SZT2: variants seen among roughly 807,000 people sequenced by gnomAD.
SZT2 encodes SZT2 subunit of KICSTOR complex, also known as KICSTOR complex protein SZT2.
Under a neutral mutation model 404.2 loss-of-function variants are expected in SZT2, and 216 were observed. The ratio of observed to expected loss-of-function variants is 0.53; its 90% confidence interval spans 0.48 to 0.60. SZT2 has a LOEUF of 0.60. Among genes scored for constraint, SZT2 ranks in the 20% least tolerant of loss-of-function variants. The probability of loss-of-function intolerance (pLI) is 0.00; values close to 1 mark genes in which losing one functional copy is unlikely to be tolerated. For missense variants in SZT2, 3,857 were observed against 4,459.2 expected, an observed-to-expected ratio of 0.86 and a Z score of 3.85; for synonymous variants, 1,693 against 1,749.9, an observed-to-expected ratio of 0.97 and a Z score of 0.81.
In SZT2 at chr1:43,419,909, G is replaced by T; in HGVS notation, c.1055G>T (p.Arg352Leu). 6.3e-7 allele frequency: 1 copy of T among 1,598,336 alleles called. No individual in the cohort carries two copies. Among genetic ancestry groups the T allele is most frequent in the Non-Finnish European group, 8.5e-7 (1 of 1,179,740 alleles). The change falls in exon 8 of 72, where the codon CGC becomes CTC. Residue 352 changes from arginine to leucine, a missense_variant. Physicochemically the swap from Arg to Leu is moderately radical, Grantham distance 102 (BLOSUM62 -2). This residue lies in a region of SZT2 where 536 missense variants were observed against 637.4 expected (regional missense o/e 0.84). Coordinates refer to ENST00000634258, the MANE Select transcript of SZT2 (RefSeq NM_001365999.1). ...HRAFLLYSFL[R>L]SGEALNPEYY... ...GCATTTCTCCTCTATTCCTTCCTGC[G>T]CAGTGGGGAAGCACTGAACCCTGAA...
chr1:43,439,105 C>T lies in SZT2; in HGVS notation c.6792+12C>T, dbSNP rs200892663. ...GGAACCACTTCCAAGTGAGATGGCA[C>T]TCATCTCTCTCCACACTCATGTGCA... On this transcript the variant is annotated intron_variant, in intron 48 of 71. Transcript: ENST00000634258. The surrounding 1 kb of genome is among the most constrained non-coding windows in gnomAD (Gnocchi z 4.2). The T allele has an allele frequency of 8.4e-5, 135 of 1,614,070 alleles. No homozygotes were observed. The highest frequency in any genetic ancestry group is 1.1e-4 in the Non-Finnish European group (126 of 1,179,990).
Position 43,423,266 on chromosome 1 carries a change from C to A in SZT2, c.2205C>A (p.Asp735Glu). 6.4e-7 allele frequency: 1 copy of A among 1,574,006 alleles called. No individual in the cohort carries two copies. Among genetic ancestry groups the A allele is most frequent in the Non-Finnish European group, 8.6e-7 (1 of 1,167,674 alleles). ...PVLGPQQALS[D>E]RPCLVVLHKP... The stretch of plus-strand genomic sequence containing the variant: ...TGGGGCCACAGCAGGCCCTGTCTGA[C>A]CGGCCCTGCCTTGTGGTCCTGCATA... Residue 735 changes from aspartate to glutamate, a missense_variant, in exon 15 of 72, where the codon GAC becomes GAA. Physicochemically the swap from Asp to Glu is conservative, Grantham distance 45. Transcript: ENST00000634258.
At position 43,437,660 on chromosome 1, in the gene SZT2, T is replaced by A; in HGVS notation, c.6356T>A (p.Leu2119Gln). Residue 2119 changes from leucine to glutamine, a missense_variant, in exon 45 of 72, where the codon CTG becomes CAG. This residue lies in a region of SZT2 where 261 missense variants were observed against 372.9 expected (regional missense o/e 0.70). Transcript: ENST00000634258. This position sits in a 1 kb window ranked among gnomAD's most constrained non-coding sequence, Gnocchi z 5.3. ...GATGCGCTGCCCCCTTCCCTCGCTC[T>A]GTCCCGAAGCCAAGAGCCCATCTAC... ...KGDALPPSLA[L>Q]SRSQEPIYSE... 6.2e-7 allele frequency: 1 copy of A among 1,614,140 alleles called. No individual in the cohort carries two copies. The highest frequency in any genetic ancestry group is 8.5e-7 in the Non-Finnish European group (1 of 1,180,020).
At position 43,420,198 on chromosome 1, in the gene SZT2, G is replaced by T; in HGVS notation, c.1136G>T (p.Ser379Ile). Reference sequence around the variant, plus strand: ...AATGAGCACCTGGTCTCTGCAAGCAGCAACCCTGCCCTGGCCTTGCGCCGG... The same window carrying T: ...AATGAGCACCTGGTCTCTGCAAGCATCAACCCTGCCCTGGCCTTGCGCCGG... Reference protein sequence around the residue: ...LFNEHLVSASSNPALALRRKK... With the variant: ...LFNEHLVSASINPALALRRKK... Residue 379 changes from serine to isoleucine, a missense_variant, in exon 9 of 72, where the codon AGC (serine) becomes ATC (isoleucine). Around this residue, in one of 7 missense-constraint regions of SZT2, gnomAD observed 536 missense variants for 637.4 expected, o/e 0.84. Transcript: ENST00000634258. This position sits in a 1 kb window ranked among gnomAD's most constrained non-coding sequence, Gnocchi z 5.1. 4 of 1,598,456 alleles carry T rather than the reference G, an allele frequency of 2.5e-6. No homozygotes were observed. Among genetic ancestry groups the T allele is most frequent in the Non-Finnish European group, 3.4e-6 (4 of 1,179,812 alleles).
At chr1:43,390,483 G>A (rs1048885512) in intron 1 of SZT2, among the ~76,000 whole-genome samples, 9 of 152,150 alleles carry the variant, frequency 5.9e-5, no homozygotes, top group African/African-American at 2.2e-4. Flanking sequence ...CAATATTGGC[G>A]CTGTCATGTA....
chr1:43,404,534 G>T lies in SZT2; in HGVS notation c.482G>T (p.Gly161Val). 1 of 1,613,328 alleles carries T rather than the reference G, an allele frequency of 6.2e-7. No homozygotes were observed. The highest frequency in any genetic ancestry group is 8.5e-7 in the Non-Finnish European group (1 of 1,179,722). Residue 161 changes from glycine (G) to valine (V), a missense_variant, in exon 4 of 72, where the codon GGA (glycine) becomes GTA (valine). Gly to Val is a moderately radical substitution (Grantham distance 109). Coordinates refer to ENST00000634258, the MANE Select transcript of SZT2 (RefSeq NM_001365999.1). ...VTIQAYSSII[G>V]LQSHQVLVQG... Reference sequence around the variant, plus strand: ...ATCCAGGCCTACTCCTCCATCATTGGACTGCAGTCCCACCAGGTATTGCAT... The same window carrying T: ...ATCCAGGCCTACTCCTCCATCATTGTACTGCAGTCCCACCAGGTATTGCAT...
chr1:43,439,646 G>T lies in SZT2; in HGVS notation c.6919G>T (p.Ala2307Ser). 6.2e-7 allele frequency: 1 copy of T among 1,613,778 alleles called. No homozygotes were observed. Among genetic ancestry groups the T allele is most frequent in the East Asian group, 2.2e-5 (1 of 44,884 alleles). Residue 2307 changes from alanine to serine, a missense_variant, in exon 50 of 72, where the codon GCC becomes TCC. Ala to Ser is a moderately conservative substitution (Grantham distance 99). This residue lies in a region of SZT2 where 261 missense variants were observed against 372.9 expected (regional missense o/e 0.70). Coordinates refer to ENST00000634258, the MANE Select transcript of SZT2 (RefSeq NM_001365999.1). The surrounding 1 kb of genome is among the most constrained non-coding windows in gnomAD (Gnocchi z 4.2). ...ITLAFVDEGG[A>S]PLSLALWPPS... ...TCTAGCCTTTGTGGATGAAGGAGGG[G>T]CCCCCTTGTCACTGGCGTTGTGGCC...
rs1654796494 is a variant in SZT2, at chr1:43,439,217, C to A, written c.6792+124C>A. The A allele has an allele frequency of 6.5e-7, 1 of 1,528,478 alleles. No homozygotes were observed. Among genetic ancestry groups the A allele is most frequent in the Non-Finnish European group, 9.0e-7 (1 of 1,111,478 alleles). 94.7% of individuals were successfully genotyped at this position (1,528,478 alleles called of 1,614,324 possible). On this transcript the variant is annotated intron_variant, in intron 48 of 71. Transcript: ENST00000634258. This position sits in a 1 kb window ranked among gnomAD's most constrained non-coding sequence, Gnocchi z 4.2. Reference sequence around the variant, plus strand: ...CCATGGACCTGGGTACACCCATGCCCCCCCGGGGACCATTATTACCCGCCT... The same window carrying A: ...CCATGGACCTGGGTACACCCATGCCACCCCGGGGACCATTATTACCCGCCT...
chr1:43,430,885 T>C, intron 32 of SZT2, 64 bp from the exon 33 acceptor site: 2 of 1,586,134 alleles, frequency 1.3e-6, no homozygotes, highest in Middle Eastern at 1.7e-4. Context: ...TTTTAACACA[T>C]AGATCTTGGA....
intron 4 of SZT2, among the ~76,000 whole-genome samples, chr1:43,410,913 G>A (rs192650252): frequency 6.6e-6 from 1 of 152,018 alleles, no homozygotes; most frequent in East Asian, 1.9e-4. Context: ...GGGTTGGGGG[G>A]GGATCTTGAT....
intron 1 of SZT2, among the ~76,000 whole-genome samples, chr1:43,393,666 A>G (rs1345407311): frequency 6.6e-6 from 1 of 152,214 alleles, no homozygotes. Context: ...AGGGTTAGAA[A>G]AGGCTGAACA....
rs757765973 is a variant in SZT2 at position 43,389,949 on chromosome 1, C to A, written c.-20C>A. The A allele has an allele frequency of 1.4e-6, 2 of 1,460,954 alleles. No homozygotes were observed. Among genetic ancestry groups the A allele is most frequent in the Non-Finnish European group, 1.8e-6 (2 of 1,106,614 alleles). The allele number at this position is 1,460,954 out of a possible 1,614,324, so 90.5% of individuals were successfully genotyped here. ...GTGGAACACCCTCACTGGCCCGGGC[C>A]GGCGCGGGAGGGCTGTGTGATGGCC... is the stretch of plus-strand genomic sequence containing the variant. On this transcript the variant is annotated 5_prime_UTR_variant, in exon 1 of 72. Coordinates refer to ENST00000634258, the MANE Select transcript of SZT2 (RefSeq NM_001365999.1).
Position 43,447,848 on chromosome 1 carries a change from G to A in SZT2, c.9441-1G>A. 2 of 1,614,104 alleles carry A rather than the reference G, an allele frequency of 1.2e-6. No individual in the cohort carries two copies. Among genetic ancestry groups the A allele is most frequent in the Middle Eastern group, 1.6e-4 (1 of 6,062 alleles). ...ACATCTCCCCAACCCGTCCTGCACAGTTCTGGCTCCTACCTGGACTCTGAG... is the reference window on the plus strand; with the variant it reads ...ACATCTCCCCAACCCGTCCTGCACAATTCTGGCTCCTACCTGGACTCTGAG... On this transcript the variant is annotated splice_acceptor_variant, in intron 67 of 71. Coordinates refer to ENST00000634258, the MANE Select transcript of SZT2 (RefSeq NM_001365999.1). LOFTEE classifies it high-confidence loss of function.
At chr1:43,446,659 G>C (rs1655708179) in intron 65 of SZT2, 4 of 626,612 alleles carry the variant, frequency 6.4e-6, no homozygotes, top group South Asian at 5.8e-5. Flanking sequence ...CACAGTGCCT[G>C]GTCTGGCCTG....
At position 43,420,983 on chromosome 1, in the gene SZT2, G is replaced by C; in HGVS notation, c.1496G>C (p.Ser499Thr). The C allele has an allele frequency of 6.3e-7, 1 of 1,598,326 alleles. No individual in the cohort carries two copies. The highest frequency in any genetic ancestry group is 8.5e-7 in the Non-Finnish European group (1 of 1,179,702). The change falls in exon 10 of 72, where the codon AGC becomes ACC. Residue 499 changes from serine to threonine, a missense_variant and splice_region_variant. Ser to Thr is a moderately conservative substitution (Grantham distance 58). This residue lies in a region of SZT2 where 39 missense variants were observed against 89.7 expected (regional missense o/e 0.43). Transcript: ENST00000634258. This position sits in a 1 kb window ranked among gnomAD's most constrained non-coding sequence, Gnocchi z 5.1. ...CGGCGTTTCTGGAACACGCTGCAGA[G>C]GTCAGTGAAGTCATCACTCAATGAG... ...VIRRFWNTLQ[S>T]INQTDQMLAH...
rs980125626 is a variant in SZT2 at position 43,420,691 on chromosome 1, G to C, written c.1262-58G>C. 2.2e-5 allele frequency: 33 copies of C among 1,516,224 alleles called. No individual in the cohort carries two copies. The African/African-American group carries it at 3.4e-4, about 16-fold the overall frequency. 93.9% of individuals were successfully genotyped at this position (1,516,224 alleles called of 1,614,324 possible). ...TAGGTGGGGGTTTCAGATAGAACTC[G>C]ATCCCAGGCCTAGAGTCCTATGCCT... On this transcript the variant is annotated intron_variant, in intron 9 of 71. Coordinates refer to ENST00000634258, the MANE Select transcript of SZT2 (RefSeq NM_001365999.1). This position sits in a 1 kb window ranked among gnomAD's most constrained non-coding sequence, Gnocchi z 5.1.
At chr1:43,390,998 G>A (rs558478264) in intron 1 of SZT2, among the ~76,000 whole-genome samples, 1 of 152,186 alleles carries the variant, frequency 6.6e-6, no homozygotes, top group Admixed American at 6.5e-5. Flanking sequence ...TTTTAGTTTA[G>A]GAACTGAGGC....
At position 43,451,268 on chromosome 1, in the gene SZT2, A is replaced by C. The variant is rs62620015; in HGVS notation, c.*788A>C. The C allele has an allele frequency of 1.3e-3, 2,094 of 1,613,994 alleles. 27 individuals carry two copies. The African/African-American group carries it at 0.025, about 19-fold the overall frequency. On this transcript the variant is annotated 3_prime_UTR_variant, in exon 72 of 72. Coordinates refer to ENST00000634258, the MANE Select transcript of SZT2 (RefSeq NM_001365999.1). ...GGCCAGCCTCTGGGTGGCCCCGCCT[A>C]TCCCAGTATGAACGTAGCCAACTCA...
chr1:43,450,412 T>C lies in SZT2; in HGVS notation c.10231T>C (p.Ser3411Pro). 1 of 1,614,040 alleles carries C rather than the reference T, an allele frequency of 6.2e-7. No homozygotes were observed. Among genetic ancestry groups the C allele is most frequent in the South Asian group, 1.1e-5 (1 of 91,074 alleles). The change falls in exon 72 of 72, where the codon TCC becomes CCC. Residue 3411 changes from serine (S) to proline (P), a missense_variant. Physicochemically the swap from Ser to Pro is moderately conservative, Grantham distance 74. Around this residue, in one of 7 missense-constraint regions of SZT2, gnomAD observed 717 missense variants for 868.2 expected, o/e 0.83. Transcript: ENST00000634258. The surrounding 1 kb of genome is among the most constrained non-coding windows in gnomAD (Gnocchi z 4.3). ...CGAGAGCCCCCCTGCCCAACTGGTC[T>C]CCACCTACCACCACCTGGAGTCTGT... ...DSESPPAQLV[S>P]TYHHLESVIN...
Sources: allele counts gnomAD v4.1 joint callset (sites outside exome capture counted in the v4.1 genomes callset), GRCh38; gene constraint gnomAD v4.1.1; regional missense constraint gnomAD v4.1.1; non-coding constraint Gnocchi (gnomAD v3.1); transcripts MANE v1.5; gene names NCBI Gene and HGNC (gene_info 2026-07-23, HGNC 2026-07-21).